SEMA3A: variants seen among roughly 807,000 people sequenced by gnomAD.
The protein encoded by SEMA3A is semaphorin-3A.
SEMA3A carries 29 observed loss-of-function variants against 97.9 expected under a neutral mutation model. The observed-to-expected ratio is 0.30, with a 90% CI of 0.22 to 0.40. The LOEUF is 0.40. Ranked by LOEUF, SEMA3A falls within the 10% of genes least tolerant of loss-of-function variation. SEMA3A has a pLI of 1.00. For synonymous variants in SEMA3A, 321 were observed against 323.7 expected, an observed-to-expected ratio of 0.99 and a Z score of 0.09; for missense variants, 763 against 951.3, an observed-to-expected ratio of 0.80 and a Z score of 2.60.
At chr7:84,353,655 T>C (rs1390297907) in intron 2 of SEMA3A, among the ~76,000 whole-genome samples, 1 of 151,726 alleles carries the variant, frequency 6.6e-6, no homozygotes, top group Non-Finnish European at 1.5e-5. Context: ...AAAAAGTGTT[T>C]CATTTTCTTT....
At chr7:84,134,994 A>T (rs1381176386) in intron 1 of SEMA3A, 43 bp from the exon 2 acceptor site, 2 of 1,533,004 alleles carry the variant, frequency 1.3e-6, no homozygotes, top group African/African-American at 1.4e-5. Flanking sequence ...AATGTGAAGC[A>T]CTATATAAGC....
intron 3 of SEMA3A, among the ~76,000 whole-genome samples, chr7:84,234,495 CT>C (rs1799188870): frequency 6.6e-6 from 1 of 152,062 alleles, no homozygotes; most frequent in Non-Finnish European, 1.5e-5. Flanking sequence ...ATGGGGTTCT[CT>C]TTTGCTCATT....
chr7:84,048,239 C>G (rs537716319), intron 5 of SEMA3A, among the ~76,000 whole-genome samples: 33 of 152,054 alleles, frequency 2.2e-4, no homozygotes, highest in Middle Eastern at 3.4e-3. Context: ...ACTTAAATAT[C>G]AAGTGTAAAT....
chr7:84,405,599 G>T (rs1804057657), intron 1 of SEMA3A, among the ~76,000 whole-genome samples: 1 of 152,002 alleles, frequency 6.6e-6, no homozygotes, highest in Admixed American at 6.6e-5. Flanking sequence ...TGCATTCTTT[G>T]CAGCACCACA....
intron 2 of SEMA3A, among the ~76,000 whole-genome samples, chr7:84,334,858 C>T (rs1801998911): frequency 1.3e-5 from 2 of 151,354 alleles, no homozygotes; most frequent in South Asian, 2.1e-4. Flanking sequence ...TCCCCTGGCC[C>T]TGCCTCCTCA....
intron 7 of SEMA3A, among the ~76,000 whole-genome samples, chr7:84,011,571 T>A (rs1182346689): frequency 6.6e-6 from 1 of 152,192 alleles, no homozygotes; most frequent in African/African-American, 2.4e-5. Context: ...TCAATTCATG[T>A]TCATCTACAG....
At chr7:84,215,493 A>G (rs985861581) in intron 3 of SEMA3A, among the ~76,000 whole-genome samples, 1 of 152,170 alleles carries the variant, frequency 6.6e-6, no homozygotes, top group Non-Finnish European at 1.5e-5. Context: ...CCCAACCCAA[A>G]TCTTACTCAT....
At chr7:84,077,403 A>T in intron 4 of SEMA3A, among the ~76,000 whole-genome samples, 1 of 152,066 alleles carries the variant, frequency 6.6e-6, no homozygotes, top group Non-Finnish European at 1.5e-5. Flanking sequence ...CCATGATTAG[A>T]CATCACTGGG....
At chr7:84,243,993 C>T (rs1799424129) in intron 3 of SEMA3A, among the ~76,000 whole-genome samples, 2 of 152,096 alleles carry the variant, frequency 1.3e-5, no homozygotes, top group African/African-American at 2.4e-5. Flanking sequence ...TTTGCATTTG[C>T]TGAGGAGTGT....
intron 1 of SEMA3A, among the ~76,000 whole-genome samples, chr7:84,179,095 C>T (rs1169841815): frequency 6.6e-6 from 1 of 152,082 alleles, no homozygotes; most frequent in African/African-American, 2.4e-5. Context: ...ACACATTTTC[C>T]CCATAAAGTG....
At chr7:84,123,254 CT>C (rs1245740062) in intron 3 of SEMA3A, among the ~76,000 whole-genome samples, 1 of 152,090 alleles carries the variant, frequency 6.6e-6, no homozygotes, top group African/African-American at 2.4e-5. Flanking sequence ...ATTTTAAGCA[CT>C]AGAAAAATAC....
chr7:84,435,793 T>G (rs1341978924), intron 1 of SEMA3A, among the ~76,000 whole-genome samples: 2 of 152,094 alleles, frequency 1.3e-5, no homozygotes, highest in African/African-American at 4.8e-5. Context: ...AAACTACCAA[T>G]GTCATTTTTT....
chr7:84,259,779 A>G (rs1364539001), intron 3 of SEMA3A, among the ~76,000 whole-genome samples: 2 of 151,648 alleles, frequency 1.3e-5, no homozygotes, highest in Non-Finnish European at 1.5e-5. Context: ...GTGCAGTTAA[A>G]AAACAAACAA....
rs775344248 is a variant in SEMA3A at position 84,001,973 on chromosome 7, T to C, written c.1434A>G (p.Glu478=). Residue 478 remains glutamate, a synonymous_variant, in exon 12 of 17, where the codon GAA becomes GAG. Transcript: ENST00000265362. Reference sequence around the variant, plus strand: ...CACTCACCCGAAAAACTGTCATTTCTTCCAGCAGAACCTCTTCTAAATCAT... The same window carrying C: ...CACTCACCCGAAAAACTGTCATTTCCTCCAGCAGAACCTCTTCTAAATCAT... ...TWYDLEEVLL[E]EMTVFREPTA... is the part of the protein sequence containing the mutation. 1 of 1,612,364 alleles carries C rather than the reference T, an allele frequency of 6.2e-7. No individual in the cohort carries two copies. The highest frequency in any genetic ancestry group is 8.5e-7 in the Non-Finnish European group (1 of 1,178,808).
At chr7:84,310,864 C>T (rs188667226) in intron 2 of SEMA3A, among the ~76,000 whole-genome samples, 32 of 151,960 alleles carry the variant, frequency 2.1e-4, no homozygotes, top group Admixed American at 1.8e-3. Context: ...TCTCGCCTTC[C>T]ATTTGTCTCT....
chr7:84,364,947 T>C (rs1257146023), intron 2 of SEMA3A, among the ~76,000 whole-genome samples: 2 of 151,390 alleles, frequency 1.3e-5, no homozygotes, highest in African/African-American at 2.4e-5. Context: ...CAAATAAAGG[T>C]ACAATTCTTG....
intron 3 of SEMA3A, among the ~76,000 whole-genome samples, chr7:84,259,876 A>G (rs1428032293): frequency 2.0e-5 from 3 of 152,158 alleles, no homozygotes; most frequent in Non-Finnish European, 4.4e-5. Context: ...TTGGCATAAA[A>G]TGGCATAAAA....
chr7:84,187,062 G>T (rs1447750821), intron 1 of SEMA3A, among the ~76,000 whole-genome samples: 5 of 152,166 alleles, frequency 3.3e-5, no homozygotes, highest in Admixed American at 6.5e-5. Context: ...TGTAGCTTAG[G>T]GAGCAATGAG....
At chr7:84,311,597 A>C (rs1407125120) in intron 2 of SEMA3A, among the ~76,000 whole-genome samples, 1 of 151,968 alleles carries the variant, frequency 6.6e-6, no homozygotes, top group East Asian at 1.9e-4. Context: ...AGGGGTTGAT[A>C]TATACATTAG....
Sources: gnomAD v4.1 joint callset for allele counts (sites outside exome capture counted in the v4.1 genomes callset) on GRCh38, gnomAD v4.1.1 for gene constraint, MANE v1.5 for transcripts, NCBI Gene and HGNC (gene_info 2026-07-23, HGNC 2026-07-21) for gene names.